The following RUBCN variants were observed in gnomAD, a reference collection of about 807,000 sequenced individuals.
RUBCN encodes run domain Beclin-1-interacting and cysteine-rich domain-containing protein.
A neutral mutation model predicts 113.2 loss-of-function variants in RUBCN; 74 were observed. The observed-to-expected ratio is 0.65, with a 90% CI of 0.54 to 0.79. RUBCN has a LOEUF of 0.79. RUBCN is among the 30% of genes least tolerant of loss of function. RUBCN has a pLI of 0.00. For synonymous variants in RUBCN, 480 were observed against 490.0 expected (o/e 0.98, Z 0.27); for missense variants, 1,109 against 1,251.7 (o/e 0.89, Z 1.72).
In RUBCN at chr3:197,670,167, G is replaced by A. The variant is rs1328128784; in HGVS notation, c.*4851C>T. Among the ~76,000 whole-genome samples, 2 of 152,330 alleles carry A rather than the reference G, an allele frequency of 1.3e-5. No individual in the cohort carries two copies. Among genetic ancestry groups the A allele is most frequent in the South Asian group, 2.1e-4 (1 of 4,820 alleles). ...CTCCCAAAGTGCTGGGATTACAGGC[G>A]TGAGCCACTGTGTGCGGCTCACTAT... On this transcript the variant is annotated 3_prime_UTR_variant, in exon 20 of 20. Coordinates refer to ENST00000296343, the MANE Select transcript of RUBCN (RefSeq NM_014687.4).
chr3:197,707,747 G>A (rs143213779), intron 2 of RUBCN, among the ~76,000 whole-genome samples: 4 of 152,280 alleles, frequency 2.6e-5, no homozygotes, highest in Non-Finnish European at 5.9e-5. Flanking sequence ...AGGGTCACCT[G>A]AGTCAGGAGA....
chr3:197,735,062 T>C (rs1430085159), intron 1 of RUBCN, among the ~76,000 whole-genome samples: 2 of 152,230 alleles, frequency 1.3e-5, no homozygotes, highest in Non-Finnish European at 2.9e-5. Context: ...TCCCAGCTGC[T>C]CCTGAGACCA....
rs1321638313 is a variant in RUBCN, at chr3:197,681,177, G to A, written c.2382C>T (p.Asp794=). ...IWNDPLFNVQ[D]INSALYRKVK... is the part of the protein sequence containing the mutation. ...CCTTCCTATAGAGGGCACTGTTTAT[G>A]TCCTGCACGTTGAAGAGAGGATCAT... Residue 794 remains aspartate, a synonymous_variant, in exon 16 of 20, where the codon GAC becomes GAT. Transcript: ENST00000296343. This position sits in a 1 kb window ranked among gnomAD's most constrained non-coding sequence, Gnocchi z 5.5. The A allele has an allele frequency of 1.2e-6, 2 of 1,613,974 alleles. No individual in the cohort carries two copies. The highest frequency in any genetic ancestry group is 2.7e-5 in the African/African-American group (2 of 74,918).
intron 18 of RUBCN, chr3:197,676,481 T>C (rs1720441828): frequency 1.6e-6 from 1 of 633,740 alleles, no homozygotes; most frequent in South Asian, 3.8e-5. Flanking sequence ...GCCCGGCTAA[T>C]TTCTGTATTT....
chr3:197,696,392 A>G (rs1210155501), intron 8 of RUBCN, among the ~76,000 whole-genome samples: 2 of 151,768 alleles, frequency 1.3e-5, no homozygotes, highest in African/African-American at 4.9e-5. Flanking sequence ...AAAACAAAAC[A>G]AAAAAGAATT....
intron 1 of RUBCN, among the ~76,000 whole-genome samples, chr3:197,744,681 A>C (rs562208543): frequency 6.6e-6 from 1 of 152,346 alleles, no homozygotes; most frequent in African/African-American, 2.4e-5. Context: ...AAAGGCATAC[A>C]AATAAAAAAC....
At chr3:197,685,574 A>T (rs769444387) in intron 11 of RUBCN, among the ~76,000 whole-genome samples, 1 of 152,244 alleles carries the variant, frequency 6.6e-6, no homozygotes, top group Non-Finnish European at 1.5e-5. Context: ...ATACTCAAAT[A>T]ACATTGTTGA....
At chr3:197,676,192 T>C (rs1720393024) in intron 18 of RUBCN, 1 of 990,500 alleles carries the variant, frequency 1.0e-6, no homozygotes, top group African/African-American at 1.7e-5. Context: ...CTCTTCATCT[T>C]AGAGCCAAGA....
At chr3:197,685,915 G>A (rs1361216403) in intron 11 of RUBCN, among the ~76,000 whole-genome samples, 1 of 152,160 alleles carries the variant, frequency 6.6e-6, no homozygotes, top group Non-Finnish European at 1.5e-5. Flanking sequence ...ACACTGCCTT[G>A]GGCTGTACCT....
upstream of RUBCN, among the ~76,000 whole-genome samples, chr3:197,739,179 G>T (rs1312162970): frequency 1.3e-5 from 2 of 151,876 alleles, no homozygotes; most frequent in Admixed American, 1.3e-4. Context: ...GACCTCAGGT[G>T]ATCCGCCGGC....
At chr3:197,737,841 G>A (rs1488302388), upstream of RUBCN, among the ~76,000 whole-genome samples, 1 of 152,074 alleles carries the variant, frequency 6.6e-6, no homozygotes, top group African/African-American at 2.4e-5. Flanking sequence ...GAAGTGAAGC[G>A]AACCAGTTGA....
At chr3:197,693,330 C>T (rs573649778) in intron 11 of RUBCN, among the ~76,000 whole-genome samples, 18 of 152,292 alleles carry the variant, frequency 1.2e-4, no homozygotes, top group African/African-American at 2.2e-4. Flanking sequence ...TCTTTTTGTC[C>T]TTTTCTCTTT....
intron 5 of RUBCN, 136 bp downstream of exon 5, chr3:197,703,397 CAAAAAAAAAAAAAAA>C (rs1165064210): frequency 0.024 from 3,740 of 155,778 alleles, 134 homozygotes; most frequent in African/African-American, 0.21. Flanking sequence ...GACTCTGTCT[CAAAAAAAAAAAAAAA>C]AAAAAAAAAA....
intron 1 of RUBCN, among the ~76,000 whole-genome samples, chr3:197,732,205 T>C (rs184891001): frequency 5.2e-4 from 79 of 152,334 alleles, no homozygotes; most frequent in African/African-American, 1.9e-3. Flanking sequence ...AGCTCAGCAG[T>C]AGACTGCATG....
chr3:197,725,097 T>C (rs1726587976), intron 1 of RUBCN, among the ~76,000 whole-genome samples: 1 of 152,150 alleles, frequency 6.6e-6, no homozygotes, highest in African/African-American at 2.4e-5. Flanking sequence ...CCATAAAGGA[T>C]TTTTAAAATA....
intron 1 of RUBCN, among the ~76,000 whole-genome samples, chr3:197,718,496 C>T (rs1180182278): frequency 6.6e-6 from 1 of 152,166 alleles, no homozygotes; most frequent in African/African-American, 2.4e-5. Context: ...GTCACCCAGG[C>T]TGAAGTGTGG....
Position 197,704,582 on chromosome 3 carries a change from G to C in RUBCN, c.423C>G (p.Pro141=). 1 of 1,614,180 alleles carries C rather than the reference G, an allele frequency of 6.2e-7. No individual in the cohort carries two copies. Among genetic ancestry groups the C allele is most frequent in the Non-Finnish European group, 8.5e-7 (1 of 1,180,032 alleles). ...QYHCLSAQLR[P]LLGDRQYIRK... ...TGATATACTGTCTATCCCCGAGCAG[G>C]GGCCGGAGCTGGGCTGAGAGGCAGT... Residue 141 remains proline, a synonymous_variant, in exon 4 of 20, where the codon CCC becomes CCG. Coordinates refer to ENST00000296343, the MANE Select transcript of RUBCN (RefSeq NM_014687.4).
At chr3:197,687,609 G>A (rs1176025388) in intron 11 of RUBCN, among the ~76,000 whole-genome samples, 2 of 152,216 alleles carry the variant, frequency 1.3e-5, no homozygotes, top group African/African-American at 4.8e-5. Flanking sequence ...AGCACACCTT[G>A]GGCAGCTTTG....
chr3:197,740,503 A>T (rs190423508), upstream of RUBCN, among the ~76,000 whole-genome samples: 117 of 152,338 alleles, frequency 7.7e-4, no homozygotes, highest in African/African-American at 2.6e-3. Flanking sequence ...ATTTTGTAGT[A>T]TAATTGGCAA....
Sources: allele counts gnomAD v4.1 joint callset (sites outside exome capture counted in the v4.1 genomes callset), GRCh38; gene constraint gnomAD v4.1.1; non-coding constraint Gnocchi (gnomAD v3.1); transcripts MANE v1.5; gene names NCBI Gene and HGNC (gene_info 2026-07-23, HGNC 2026-07-21).